COP1: variants seen among roughly 807,000 people sequenced by gnomAD.
The protein encoded by COP1 is E3 ubiquitin-protein ligase COP1.
In COP1, 24 loss-of-function variants were observed where a neutral mutation model predicts 101.3. That is an observed-to-expected ratio of 0.24 (90% CI 0.17 to 0.33). The LOEUF (loss-of-function observed/expected upper bound fraction) is 0.33, where lower values mean the gene tolerates loss of function less well. COP1 is among the 10% of genes least tolerant of loss of function. The pLI is 1.00. For synonymous variants in COP1, 347 were observed against 341.9 expected, an observed-to-expected ratio of 1.01 and a Z score of -0.17; for missense variants, 663 against 906.2, an observed-to-expected ratio of 0.73 and a Z score of 3.45.
intron 1 of COP1, among the ~76,000 whole-genome samples, chr1:176,205,419 A>G (rs566556771): frequency 6.6e-6 from 1 of 152,350 alleles, no homozygotes; most frequent in South Asian, 2.1e-4. Flanking sequence ...AGTCTAATCA[A>G]TAACTTTCCT....
chr1:176,069,406 C>G (rs2149340817), intron 11 of COP1, among the ~76,000 whole-genome samples: 1 of 152,298 alleles, frequency 6.6e-6, no homozygotes, highest in Admixed American at 6.5e-5. Flanking sequence ...AGAACTCTCT[C>G]TTTAGTCTAC....
At chr1:175,996,717 A>G (rs1660243481) in intron 15 of COP1, among the ~76,000 whole-genome samples, 1 of 152,206 alleles carries the variant, frequency 6.6e-6, no homozygotes, top group South Asian at 2.1e-4. Flanking sequence ...CTTCAAGGAG[A>G]ACTACAAACC....
At chr1:176,037,871 A>G (rs540823616) in intron 14 of COP1, among the ~76,000 whole-genome samples, 2 of 152,364 alleles carry the variant, frequency 1.3e-5, no homozygotes, top group African/African-American at 4.8e-5. Flanking sequence ...CCCTAACATC[A>G]GGAACAAAGC....
intron 5 of COP1, among the ~76,000 whole-genome samples, chr1:176,155,578 G>A (rs950805361): frequency 1.3e-5 from 2 of 151,848 alleles, no homozygotes; most frequent in Admixed American, 6.6e-5. Context: ...AGTAATGGCT[G>A]ACTATGTTCA....
chr1:175,970,199 C>A (rs938144542), intron 18 of COP1, among the ~76,000 whole-genome samples: 16 of 152,030 alleles, frequency 1.1e-4, no homozygotes, highest in African/African-American at 3.4e-4. Context: ...AGACTGCATT[C>A]TATAGGTTCA....
intron 8 of COP1, among the ~76,000 whole-genome samples, chr1:176,122,389 C>T (rs1268385757): frequency 6.6e-6 from 1 of 151,892 alleles, no homozygotes; most frequent in East Asian, 1.9e-4. Context: ...TCGGTGAAGG[C>T]AGGAAAGGAA....
At chr1:176,034,994 C>T (rs1421161016) in intron 14 of COP1, among the ~76,000 whole-genome samples, 1 of 152,110 alleles carries the variant, frequency 6.6e-6, no homozygotes, top group Admixed American at 6.6e-5. Context: ...AAACAGGACC[C>T]AACATCTTAC....
At chr1:176,081,748 T>G (rs1356768273) in intron 10 of COP1, among the ~76,000 whole-genome samples, 5 of 152,040 alleles carry the variant, frequency 3.3e-5, no homozygotes, top group African/African-American at 4.8e-5. Context: ...AGTTTATAAA[T>G]AAGAAGAAAT....
rs576895145 is a variant in COP1 at position 176,169,042 on chromosome 1, TA to T, written c.566-5152del. On this transcript the variant is annotated intron_variant, in intron 3 of 19. Coordinates refer to ENST00000367669, the MANE Select transcript of COP1 (RefSeq NM_022457.7). ...AATTTTTTGTGTGACAATAAATCAG[TA>T]AGTGCTTCTTTAGCACAAAATTCAA... Among the ~76,000 whole-genome samples, 306 of 152,312 alleles carry T rather than the reference TA, an allele frequency of 2.0e-3. 2 individuals are homozygous for T. Among genetic ancestry groups the T allele is most frequent in the Middle Eastern group, 0.01 (3 of 294 alleles).
Position 175,986,082 on chromosome 1 carries a change from C to T in COP1, c.2133+861G>A, listed in dbSNP as rs61123238. Among the ~76,000 whole-genome samples the T allele has an allele frequency of 6.3e-3, 953 of 152,226 alleles. 14 individuals are homozygous for T. Among genetic ancestry groups the T allele is most frequent in the African/African-American group, 0.022 (894 of 41,536 alleles). ...TCGCCCAGGCTGGACTGCAGTGGCG[C>T]GATCTTGGCTCACTGCAAGCTCTGC... On this transcript the variant is annotated intron_variant, in intron 18 of 19. Coordinates refer to ENST00000367669, the MANE Select transcript of COP1 (RefSeq NM_022457.7).
chr1:176,127,228 T>C (rs1030677624), intron 8 of COP1, among the ~76,000 whole-genome samples: 1 of 152,150 alleles, frequency 6.6e-6, no homozygotes, highest in Non-Finnish European at 1.5e-5. Context: ...TCCTCTCTTT[T>C]GCTATTCTAA....
intron 11 of COP1, among the ~76,000 whole-genome samples, chr1:176,051,767 T>C (rs558611606): frequency 6.6e-6 from 1 of 152,242 alleles, no homozygotes; most frequent in African/African-American, 2.4e-5. Flanking sequence ...CCTAGGCTAA[T>C]ACATGTGTTT....
At chr1:175,999,522 A>G (rs1333640283) in intron 15 of COP1, among the ~76,000 whole-genome samples, 5 of 151,842 alleles carry the variant, frequency 3.3e-5, no homozygotes, top group Non-Finnish European at 7.4e-5. Flanking sequence ...TGATGGATAC[A>G]AAGTTTGCTT....
In COP1 at chr1:176,114,588, C is replaced by T. The variant is rs142337999; in HGVS notation, c.1026+2036G>A. On this transcript the variant is annotated intron_variant, in intron 9 of 19. Coordinates refer to ENST00000367669, the MANE Select transcript of COP1 (RefSeq NM_022457.7). Reference sequence around the variant, plus strand: ...GATATTAGGGTAATTCTTTTTTTTGCGGGGGGAGGGAGTGGGGGGGAAAGG... The same window carrying T: ...GATATTAGGGTAATTCTTTTTTTTGTGGGGGGAGGGAGTGGGGGGGAAAGG... Among the ~76,000 whole-genome samples the T allele has an allele frequency of 1.4e-4, 18 of 131,712 alleles. No individual in the cohort carries two copies. In the East Asian group the frequency reaches 1.5e-3, roughly 11 times the overall value. The allele number at this position is 131,712 out of a possible 152,430, so 86.4% of individuals were successfully genotyped here.
At chr1:176,136,129 T>C (rs978907333) in intron 7 of COP1, among the ~76,000 whole-genome samples, 3 of 152,008 alleles carry the variant, frequency 2.0e-5, no homozygotes, top group Non-Finnish European at 4.4e-5. Flanking sequence ...TAACCTTAAC[T>C]CCTAGAAATG....
intron 18 of COP1, among the ~76,000 whole-genome samples, chr1:175,959,116 AC>A (rs1198105424): frequency 6.6e-6 from 1 of 152,008 alleles, no homozygotes. Flanking sequence ...ATAAATCTTG[AC>A]CAAGTTGGGC....
At chr1:176,200,456 T>C (rs1700152346) in intron 1 of COP1, among the ~76,000 whole-genome samples, 1 of 152,162 alleles carries the variant, frequency 6.6e-6, no homozygotes, top group Non-Finnish European at 1.5e-5. Context: ...TCCAATGCAC[T>C]AGACACTTGA....
chr1:176,153,592 G>C (rs1001986052), intron 5 of COP1, among the ~76,000 whole-genome samples: 2 of 152,110 alleles, frequency 1.3e-5, no homozygotes, highest in Non-Finnish European at 2.9e-5. Flanking sequence ...TTCTATGCTT[G>C]ACTGCTCCAG....
At chr1:176,113,978 C>G (rs1258037641) in intron 9 of COP1, among the ~76,000 whole-genome samples, 2 of 148,878 alleles carry the variant, frequency 1.3e-5, no homozygotes, top group East Asian at 2.0e-4. Context: ...GCACAGTGAC[C>G]TTGTTTTTTA....
Sources: gnomAD v4.1 joint callset for allele counts (sites outside exome capture counted in the v4.1 genomes callset) on GRCh38, gnomAD v4.1.1 for gene constraint, MANE v1.5 for transcripts, NCBI Gene and HGNC (gene_info 2026-07-23, HGNC 2026-07-21) for gene names.